Variants in DEFB123 observed in about 807,000 individuals in gnomAD.
DEFB123 encodes defensin beta 123.
For synonymous variants in DEFB123, 22 were observed against 28.3 expected, an observed-to-expected ratio of 0.78 and a Z score of 0.71; for missense variants, 71 against 75.0, an observed-to-expected ratio of 0.95 and a Z score of 0.20.
intron 1 of DEFB123, among the ~76,000 whole-genome samples, chr20:31,443,530 C>T (rs1373207167): frequency 3.3e-5 from 5 of 152,224 alleles, no homozygotes; most frequent in South Asian, 2.1e-4. Flanking sequence ...GTGTCTTCTG[C>T]GTTGGCAATT....
At chr20:31,449,803 A>G (rs1211394796) in intron 1 of DEFB123, among the ~76,000 whole-genome samples, 1 of 149,562 alleles carries the variant, frequency 6.7e-6, no homozygotes, top group East Asian at 2.0e-4. Context: ...GACAATCCGC[A>G]CACATAAAGG....
chr20:31,442,071 G>A (rs938010349), intron 1 of DEFB123, among the ~76,000 whole-genome samples: 3 of 152,182 alleles, frequency 2.0e-5, no homozygotes, highest in African/African-American at 7.2e-5. Context: ...GGAGGAGCAG[G>A]ACTACAGAGA....
At chr20:31,442,171 T>G (rs6120282) in intron 1 of DEFB123, among the ~76,000 whole-genome samples, 34,905 of 152,074 alleles carry the variant, frequency 0.23, 4,747 homozygotes, top group African/African-American at 0.36. Context: ...GGGCTGGGCC[T>G]GAACTCAGCA....
intron 1 of DEFB123, among the ~76,000 whole-genome samples, chr20:31,447,929 G>T (rs1406231809): frequency 6.6e-6 from 1 of 151,916 alleles, no homozygotes; most frequent in Non-Finnish European, 1.5e-5. Flanking sequence ...TGGGATTACA[G>T]GCGCCTGCCA....
chr20:31,440,930 A>G (rs1471899159), intron 1 of DEFB123, among the ~76,000 whole-genome samples, 174 bp downstream of exon 1: 1 of 152,170 alleles, frequency 6.6e-6, no homozygotes, highest in Non-Finnish European at 1.5e-5. Flanking sequence ...CAACATCCAG[A>G]GCTGCTCTCT....
chr20:31,447,298 TG>T (rs1297665155), intron 1 of DEFB123, among the ~76,000 whole-genome samples: 2 of 152,042 alleles, frequency 1.3e-5, no homozygotes, highest in African/African-American at 4.8e-5. Context: ...AATAAATAAA[TG>T]TTTAATTGAG....
chr20:31,442,275 C>A lies in DEFB123; in HGVS notation c.58+1519C>A, dbSNP rs1392841244. On this transcript the variant is annotated intron_variant, in intron 1 of 1. Transcript: ENST00000376309. ...GAGTCTTTCAGCATGTCTCTTTCTTCCATCACCCTTTCTCTTTCCTGGGAT... is the reference window on the plus strand; with the variant it reads ...GAGTCTTTCAGCATGTCTCTTTCTTACATCACCCTTTCTCTTTCCTGGGAT... Among the ~76,000 whole-genome samples, 5 of 152,314 alleles carry A rather than the reference C, an allele frequency of 3.3e-5. 1 individual carries two copies. In the South Asian group the frequency reaches 6.2e-4, roughly 19 times the overall value.
rs755937654 is a variant in DEFB123, at chr20:31,450,129, C to T, written c.159C>T (p.Cys53=). Residue 53 remains cysteine (C), a synonymous_variant, in exon 2 of 2, where the codon TGC becomes TGT. Coordinates refer to ENST00000376309, the MANE Select transcript of DEFB123 (RefSeq NM_153324.4). The part of the protein sequence containing the change: ...YVYCINNKMC[C]VKPKYQPKER... ...ACTGCATAAATAATAAAATGTGCTG[C>T]GTGAAGCCCAAGTACCAGCCAAAAG... 3.7e-5 allele frequency: 59 copies of T among 1,611,676 alleles called. No homozygotes were observed. The highest frequency in any genetic ancestry group is 4.8e-5 in the Non-Finnish European group (57 of 1,179,112).
chr20:31,440,944 C>T (rs746053), intron 1 of DEFB123, among the ~76,000 whole-genome samples, 188 bp downstream of exon 1: 12,272 of 152,256 alleles, frequency 0.081, 595 homozygotes, highest in Non-Finnish European at 0.11. Context: ...GCTCTCTCAG[C>T]GGCTCCATCC....
intron 1 of DEFB123, among the ~76,000 whole-genome samples, chr20:31,442,595 GCT>G (rs1491422816): frequency 2.4e-5 from 3 of 125,376 alleles, no homozygotes; most frequent in African/African-American, 1.1e-4. Context: ...AAGGTCATTT[GCT>G]TTTTTTTTTT....
At chr20:31,443,343 A>T (rs1979511605) in intron 1 of DEFB123, among the ~76,000 whole-genome samples, 1 of 152,028 alleles carries the variant, frequency 6.6e-6, no homozygotes. Context: ...GAACCTGGGG[A>T]CCTTCTGGGT....
intron 1 of DEFB123, among the ~76,000 whole-genome samples, chr20:31,441,881 A>G (rs902241287): frequency 2.6e-5 from 4 of 152,216 alleles, no homozygotes; most frequent in African/African-American, 9.6e-5. Flanking sequence ...AGCTGCTCAG[A>G]GTATCAATTT....
chr20:31,445,568 C>T (rs1044170542), intron 1 of DEFB123, among the ~76,000 whole-genome samples: 3 of 152,092 alleles, frequency 2.0e-5, no homozygotes, highest in Non-Finnish European at 4.4e-5. Context: ...TGGATGGAGT[C>T]TAACTCTGTC....
intron 1 of DEFB123, among the ~76,000 whole-genome samples, chr20:31,445,674 G>A (rs1979570216): frequency 6.6e-6 from 1 of 152,034 alleles, no homozygotes; most frequent in Admixed American, 6.6e-5. Context: ...CAAGTAGCTG[G>A]GATTACAGGT....
chr20:31,440,788 G>T (rs1250765062), intron 1 of DEFB123, 32 bp downstream of exon 1: 2 of 1,609,606 alleles, frequency 1.2e-6, no homozygotes, highest in East Asian at 2.2e-5. Context: ...AAGGGGCAGG[G>T]CTTAGAGACT....
At chr20:31,443,531 G>A (rs528299566) in intron 1 of DEFB123, among the ~76,000 whole-genome samples, 11 of 152,320 alleles carry the variant, frequency 7.2e-5, no homozygotes, top group South Asian at 2.1e-4. Context: ...TGTCTTCTGC[G>A]TTGGCAATTT....
chr20:31,449,909 A>G (rs1306469044), intron 1 of DEFB123, 120 bp from the exon 2 acceptor site: 1 of 1,290,988 alleles, frequency 7.7e-7, no homozygotes, highest in East Asian at 2.6e-5. Context: ...GAAAAGAGTC[A>G]AAGGCAAGGG....
chr20:31,444,320 C>G (rs556156551), intron 1 of DEFB123, among the ~76,000 whole-genome samples: 18 of 152,028 alleles, frequency 1.2e-4, no homozygotes, highest in Non-Finnish European at 2.6e-4. Flanking sequence ...TGAGTTCGTT[C>G]TTTATAATTT....
chr20:31,444,475 TGTGA>T (rs1188265970), intron 1 of DEFB123, among the ~76,000 whole-genome samples: 2 of 152,146 alleles, frequency 1.3e-5, no homozygotes, highest in Admixed American at 1.3e-4. Context: ...AGTCTATACA[TGTGA>T]GTATTTCCCT....
Sources: allele counts gnomAD v4.1 joint callset (sites outside exome capture counted in the v4.1 genomes callset), GRCh38; gene constraint gnomAD v4.1.1; transcripts MANE v1.5; gene names NCBI Gene and HGNC (gene_info 2026-07-23, HGNC 2026-07-21).